The following PARP8 variants were observed in gnomAD, a reference collection of about 807,000 sequenced individuals.
The protein encoded by PARP8 is poly(ADP-ribose) polymerase family member 8.
Under a neutral mutation model 124.1 loss-of-function variants are expected in PARP8, and 51 were observed. The ratio of observed to expected loss-of-function variants is 0.41; its 90% CI spans 0.33 to 0.52. The LOEUF (loss-of-function observed/expected upper bound fraction) is 0.52. Ranked by LOEUF, PARP8 falls within the 20% of genes least tolerant of loss-of-function variation. The probability of loss-of-function intolerance (pLI) is 0.21; values close to 1 mark genes in which losing one functional copy is unlikely to be tolerated. For synonymous variants in PARP8, 391 were observed against 361.5 expected (o/e 1.08, Z -0.93); for missense variants, 860 against 1,018.9 (o/e 0.84, Z 2.12).
At chr5:50,833,732 A>G (rs1199652249) in intron 23 of PARP8, among the ~76,000 whole-genome samples, 1 of 152,186 alleles carries the variant, frequency 6.6e-6, no homozygotes, top group Non-Finnish European at 1.5e-5. Flanking sequence ...TCTGTGTTGT[A>G]AGATTATTGA....
chr5:50,690,241 T>C (rs1051230993), intron 2 of PARP8, among the ~76,000 whole-genome samples: 3 of 152,178 alleles, frequency 2.0e-5, no homozygotes, highest in Non-Finnish European at 4.4e-5. Flanking sequence ...TTATGTATGA[T>C]AGTAAAAAGG....
intron 17 of PARP8, 61 bp from the exon 18 acceptor site, chr5:50,824,847 T>C: frequency 7.0e-7 from 1 of 1,434,426 alleles, no homozygotes; most frequent in Non-Finnish European, 9.8e-7. Context: ...GATTTTCCTT[T>C]TGTGAAAACG....
intron 14 of PARP8, among the ~76,000 whole-genome samples, chr5:50,806,500 T>G (rs1391425738): frequency 1.3e-5 from 2 of 152,082 alleles, no homozygotes; most frequent in Non-Finnish European, 2.9e-5. Context: ...TATATTTTTC[T>G]AAAAGTGGCT....
intron 2 of PARP8, among the ~76,000 whole-genome samples, chr5:50,678,053 G>T (rs1170188269): frequency 6.6e-6 from 1 of 152,074 alleles, no homozygotes; most frequent in East Asian, 1.9e-4. Context: ...TATGGTTTTA[G>T]AATGTAGATA....
intron 14 of PARP8, among the ~76,000 whole-genome samples, chr5:50,804,844 T>C (rs898267351): frequency 3.3e-5 from 5 of 152,198 alleles, no homozygotes; most frequent in African/African-American, 1.2e-4. Context: ...TATTTTCACA[T>C]TGATTGAAAA....
intron 14 of PARP8, among the ~76,000 whole-genome samples, chr5:50,812,278 C>T (rs1744544068): frequency 6.6e-6 from 1 of 152,094 alleles, no homozygotes; most frequent in Non-Finnish European, 1.5e-5. Flanking sequence ...TTTTAATGAT[C>T]GCCATTCCAA....
chr5:50,724,332 GATGCATTTAAAATAAATTATAGCTAA>G (rs1756200952), intron 2 of PARP8, among the ~76,000 whole-genome samples: 1 of 151,976 alleles, frequency 6.6e-6, no homozygotes, highest in Admixed American at 6.6e-5. Flanking sequence ...GTTTTCAGTA[GATGCATTTAAAATAAATTATAGCTAA>G]TCAAATGTGT....
At chr5:50,819,102 G>A (rs1230556103) in intron 15 of PARP8, among the ~76,000 whole-genome samples, 1 of 152,162 alleles carries the variant, frequency 6.6e-6, no homozygotes, top group Non-Finnish European at 1.5e-5. Context: ...CTGCTTCCAG[G>A]TATTAGCGCT....
rs150576691 is a variant in PARP8 at position 50,718,005 on chromosome 5, G to A, written c.147-32146G>A. ...ATGGGGACTCTTTCAAGAAACGTTC[G>A]TAGGAAGTAGAACAGAGAAATAGGT... On this transcript the variant is annotated intron_variant, in intron 2 of 25. Transcript: ENST00000281631. Among the ~76,000 whole-genome samples, 66 of 152,014 alleles carry A rather than the reference G, an allele frequency of 4.3e-4. 1 individual carries two copies. Among genetic ancestry groups the A allele is most frequent in the African/African-American group, 1.4e-3 (57 of 41,514 alleles).
intron 25 of PARP8, among the ~76,000 whole-genome samples, chr5:50,838,864 C>G (rs1374959483): frequency 2.0e-5 from 3 of 152,024 alleles, no homozygotes; most frequent in Non-Finnish European, 2.9e-5. Flanking sequence ...GACCATTAGC[C>G]TATTTTTCAA....
chr5:50,697,060 A>G (rs1428324429), intron 2 of PARP8, among the ~76,000 whole-genome samples: 1 of 152,080 alleles, frequency 6.6e-6, no homozygotes, highest in African/African-American at 2.4e-5. Flanking sequence ...TGAGGTCAGG[A>G]GATGGAGACC....
intron 2 of PARP8, among the ~76,000 whole-genome samples, chr5:50,688,319 A>T (rs966680009): frequency 6.6e-6 from 1 of 152,018 alleles, no homozygotes; most frequent in African/African-American, 2.4e-5. Context: ...CTTCACTCTG[A>T]CACACAGCAT....
chr5:50,829,198 G>T (rs559346588), intron 21 of PARP8, among the ~76,000 whole-genome samples: 87 of 152,214 alleles, frequency 5.7e-4, no homozygotes, highest in African/African-American at 2.0e-3. Context: ...CTTTATTTAT[G>T]CCTTTCATCC....
rs1256733989 is a variant in PARP8, at chr5:50,844,361, T to TG, written c.*2294dup. 1 of 151,766 alleles carries TG rather than the reference T, an allele frequency of 6.6e-6. No homozygotes were observed. Among genetic ancestry groups the TG allele is most frequent in the Non-Finnish European group, 1.5e-5 (1 of 67,788 alleles). The allele number at this position is 151,766 out of a possible 1,614,324, so 9.4% of individuals were successfully genotyped here. A position where few individuals can be genotyped will look rare whatever the true frequency, so the allele number is the denominator to read the frequency against. On this transcript the variant is annotated 3_prime_UTR_variant, in exon 26 of 26. Coordinates refer to ENST00000281631, the MANE Select transcript of PARP8 (RefSeq NM_024615.4). ...AGGAGAATCAATCTTATTTTTTAAT[T>TG]GAACTTTTTGAAATTAGGGATACTA...
intron 7 of PARP8, among the ~76,000 whole-genome samples, chr5:50,773,395 G>A (rs1477655096): frequency 1.3e-5 from 2 of 152,126 alleles, no homozygotes; most frequent in Non-Finnish European, 2.9e-5. Context: ...CATGTGCATG[G>A]ACAGTTTTCC....
At chr5:50,788,192 T>TGTTATATTATA (rs1491325418) in intron 9 of PARP8, among the ~76,000 whole-genome samples, 1 of 130,068 alleles carries the variant, frequency 7.7e-6, no homozygotes, top group African/African-American at 2.7e-5. Context: ...ATATAATATA[T>TGTTATATTATA]TAATGTATAA....
At chr5:50,712,149 G>T (rs1453344499) in intron 2 of PARP8, among the ~76,000 whole-genome samples, 2 of 152,102 alleles carry the variant, frequency 1.3e-5, no homozygotes, top group African/African-American at 4.8e-5. Context: ...AAAGTGAAAT[G>T]GCAGAAACTA....
intron 25 of PARP8, among the ~76,000 whole-genome samples, chr5:50,839,666 T>C (rs62365486): frequency 2.7e-5 from 4 of 147,386 alleles, no homozygotes; most frequent in Non-Finnish European, 6.0e-5. Context: ...CTCTCTTTCT[T>C]TCTCTCTCTC....
intron 2 of PARP8, among the ~76,000 whole-genome samples, chr5:50,684,444 G>A (rs1408378732): frequency 4.6e-5 from 7 of 151,550 alleles, no homozygotes; most frequent in Admixed American, 4.6e-4. Context: ...GAACTAATAT[G>A]AAATCAGGGG....
Sources: allele counts gnomAD v4.1 joint callset (sites outside exome capture counted in the v4.1 genomes callset), GRCh38; gene constraint gnomAD v4.1.1; transcripts MANE v1.5; gene names NCBI Gene and HGNC (gene_info 2026-07-23, HGNC 2026-07-21).